PER1: variants seen among roughly 807,000 people sequenced by gnomAD.
PER1 encodes the protein period circadian regulator 1.
A neutral mutation model predicts 125.9 loss-of-function variants in PER1; 87 were observed. That is an observed-to-expected ratio of 0.69 (90% CI 0.58 to 0.83). The LOEUF (loss-of-function observed/expected upper bound fraction) is 0.83. Among genes scored for constraint, PER1 ranks in the 40% least tolerant of loss-of-function variants. PER1 has a pLI of 0.00. For synonymous variants in PER1, 801 were observed against 714.7 expected (o/e 1.12, Z -1.93); for missense variants, 1,775 against 1,722.8 (o/e 1.03, Z -0.54).
chr17:8,148,043 G>A lies in PER1; in HGVS notation c.1188C>T (p.Phe396=). 2 of 1,613,218 alleles carry A rather than the reference G, an allele frequency of 1.2e-6. No homozygotes were observed. Among genetic ancestry groups the A allele is most frequent in the South Asian group, 1.1e-5 (1 of 90,994 alleles). The change falls in exon 10 of 23, where the codon TTC becomes TTT. Residue 396 remains phenylalanine (F), a synonymous_variant. Transcript: ENST00000317276. ...QDLLGAPVLL[F]LHPEDRPLML... ...TGAGGGGTCGGTCCTCAGGATGCAG[G>A]AACAGGAGCACTGGGGCCCCCAGGA...
At position 8,146,735 on chromosome 17, in the gene PER1, G is replaced by C. The variant is rs1175761759; in HGVS notation, c.1766C>G (p.Pro589Arg). ...CAGCTCTGGGTCTGGGGATTGGCAG[G>C]GAAGGGCCTTGGCCTTGAACGTGCC... ...ATGTFKAKAL[P>R]CQSPDPELEA... The change falls in exon 15 of 23, where the codon CCC (proline) becomes CGC (arginine). Residue 589 changes from proline (P) to arginine (R), a missense_variant. By Grantham distance (103) the Pro-to-Arg change is moderately radical. Coordinates refer to ENST00000317276, the MANE Select transcript of PER1 (RefSeq NM_002616.3). 1 of 1,613,848 alleles carries C rather than the reference G, an allele frequency of 6.2e-7. No homozygotes were observed. Among genetic ancestry groups the C allele is most frequent in the South Asian group, 1.1e-5 (1 of 91,070 alleles).
At chr17:8,150,974 G>A (rs1354646736) in intron 1 of PER1, 129 bp from the exon 2 acceptor site, 1 of 447,942 alleles carries the variant, frequency 2.2e-6, no homozygotes, top group East Asian at 3.3e-5. Flanking sequence ...CCCAGGCCTG[G>A]GGCTTCCAAT....
At chr17:8,142,220 C>T (rs759283180) in intron 21 of PER1, 49 bp downstream of exon 21, 105 of 1,453,574 alleles carry the variant, frequency 7.2e-5, no homozygotes, top group Non-Finnish European at 9.5e-5. Flanking sequence ...AAACTGCCCC[C>T]ACTACTACCT....
chr17:8,142,075 G>A, intron 21 of PER1, 120 bp from the exon 22 acceptor site: 7 of 1,361,590 alleles, frequency 5.1e-6, no homozygotes, highest in East Asian at 2.4e-5. Context: ...CTAAACTAGT[G>A]CTATGCGAGG....
chr17:8,152,008 A>G (rs1428986452), intron 1 of PER1, among the ~76,000 whole-genome samples: 1 of 152,208 alleles, frequency 6.6e-6, no homozygotes, highest in African/African-American at 2.4e-5. Flanking sequence ...AAAGCCTAAT[A>G]GGGTCCTGGT....
At chr17:8,141,488 G>T in intron 22 of PER1, 148 bp from the exon 23 acceptor site, 1 of 950,022 alleles carries the variant, frequency 1.1e-6, no homozygotes, top group Non-Finnish European at 1.5e-6. Flanking sequence ...GGTCCAACAA[G>T]GTTGGACAGT....
rs1256509422 is a variant in PER1, at chr17:8,149,643, G to C, written c.672C>G (p.Val224=). 1 of 1,610,658 alleles carries C rather than the reference G, an allele frequency of 6.2e-7. No homozygotes were observed. Among genetic ancestry groups the C allele is most frequent in the Admixed American group, 1.7e-5 (1 of 59,974 alleles). The part of the protein sequence containing the change: ...LQNQDTFSVA[V]SFLTGRIVYI... ...AGACGATTCGGCCCGTCAGGAAGGA[G>C]ACAGCCACTGAGAAGGTATCCTGGC... Residue 224 remains valine, a synonymous_variant, in exon 6 of 23, where the codon GTC becomes GTG. Transcript: ENST00000317276.
At chr17:8,142,189 C>T (rs1010949162) in intron 21 of PER1, 80 bp downstream of exon 21, 28 of 1,243,504 alleles carry the variant, frequency 2.3e-5, no homozygotes, top group African/African-American at 4.5e-5. Context: ...CTATCCAGGG[C>T]AGAGCCAGCC....
chr17:8,149,138 G>C lies in PER1; in HGVS notation c.905+121C>G, dbSNP rs1036146280. ...TGGGAGGCGGAGGTTGCAGTGAGCC[G>C]AGATCGTGCCACCGCAGTCCAGCCT... On this transcript the variant is annotated intron_variant, in intron 7 of 22. Coordinates refer to ENST00000317276, the MANE Select transcript of PER1 (RefSeq NM_002616.3). 3 of 904,842 alleles carry C rather than the reference G, an allele frequency of 3.3e-6. No homozygotes were observed. In the South Asian group the frequency reaches 4.0e-5, roughly 12 times the overall value. The allele number at this position is 904,842 out of a possible 1,614,324, so 56.1% of individuals were successfully genotyped here.
Position 8,143,313 on chromosome 17 carries a change from C to G in PER1, c.3025G>C (p.Gly1009Arg). 4 of 1,593,658 alleles carry G rather than the reference C, an allele frequency of 2.5e-6. No individual in the cohort carries two copies. The highest frequency in any genetic ancestry group is 1.1e-5 in the South Asian group (1 of 87,980). The stretch of plus-strand genomic sequence containing the variant: ...GCCTCCGCACTGGGAGGTGGGGGCC[C>G]GGCACTGCTCCCAGGGCCTCCTGCA... ...AVAGGPGSSAGPPPPSAEAAE... is the reference protein window; with the variant it reads ...AVAGGPGSSARPPPPSAEAAE... Residue 1009 changes from glycine to arginine, a missense_variant, in exon 19 of 23, where the codon GGG (glycine) becomes CGG (arginine). Coordinates refer to ENST00000317276, the MANE Select transcript of PER1 (RefSeq NM_002616.3).
rs1477353068 is a variant in PER1 at position 8,144,693 on chromosome 17, C to CA, written c.2461+57dup. ...AACACCTCCCTTAAGACCCACCCCCCAACAATCCAGTCCTAGACTGGGCAG... is the reference window on the plus strand; with the variant it reads ...AACACCTCCCTTAAGACCCACCCCCCAAACAATCCAGTCCTAGACTGGGCAG... On this transcript the variant is annotated intron_variant, in intron 18 of 22. Coordinates refer to ENST00000317276, the MANE Select transcript of PER1 (RefSeq NM_002616.3). 8.5e-6 allele frequency: 13 copies of CA among 1,537,646 alleles called. No individual in the cohort carries two copies. The South Asian group carries it at 1.5e-4, about 18-fold the overall frequency.
chr17:8,147,130 GA>G, intron 13 of PER1, 119 bp downstream of exon 13: 2 of 1,422,120 alleles, frequency 1.4e-6, no homozygotes, highest in Non-Finnish European at 1.9e-6. Flanking sequence ...GGACAAGAAG[GA>G]AAAGGCAGGA....
chr17:8,144,132 G>A lies in PER1; in HGVS notation c.2462-256C>T, dbSNP rs987896025. On this transcript the variant is annotated intron_variant, in intron 18 of 22. Transcript: ENST00000317276. ...ACGAGGGGTCGAGCTGGGGGTGTGC[G>A]GAAGATGGAGGCATGCTGGCAGATG... The A allele has an allele frequency of 4.8e-5, 24 of 498,640 alleles. No individual in the cohort carries two copies. In the Middle Eastern group the frequency reaches 1.6e-3, roughly 33 times the overall value. The allele number at this position is 498,640 out of a possible 1,614,324, so 30.9% of individuals were successfully genotyped here.
At position 8,147,140 on chromosome 17, in the gene PER1, G is replaced by GC. The variant is rs1982502575; in HGVS notation, c.1629+109_1629+110insG. On this transcript the variant is annotated intron_variant, in intron 13 of 22. Transcript: ENST00000317276. ...GAGCAGGACAAGAAGGAAAAGGCAG[G>GC]AAGGAGAGGGCAAAGGAGGATCGGG... 4.9e-6 allele frequency: 7 copies of GC among 1,441,938 alleles called. No homozygotes were observed. In the East Asian group the frequency reaches 1.5e-4, roughly 30 times the overall value. The allele number at this position is 1,441,938 out of a possible 1,614,324, so 89.3% of individuals were successfully genotyped here. A position where few individuals can be genotyped will look rare whatever the true frequency, so the allele number is the denominator to read the frequency against.
intron 17 of PER1, among the ~76,000 whole-genome samples, chr17:8,145,324 CTTTTTTT>C (rs398030276): frequency 4.0e-5 from 5 of 125,510 alleles, no homozygotes; most frequent in South Asian, 2.5e-4. Context: ...TTTCTTGTTT[CTTTTTTT>C]TTTTTTTTTT....
rs1255731636 is a variant in PER1, at chr17:8,141,243, T to G, written c.3698A>C (p.Glu1233Ala). The G allele has an allele frequency of 6.2e-7, 1 of 1,614,158 alleles. No individual in the cohort carries two copies. The highest frequency in any genetic ancestry group is 2.2e-5 in the East Asian group (1 of 44,888). Residue 1233 changes from glutamate to alanine, a missense_variant, in exon 23 of 23, where the codon GAG becomes GCG. Transcript: ENST00000317276. ...LDGLGLEPME[E>A]GGGEQGSSGG... ...GCTGCTGCCCTGCTCGCCTCCACCC[T>G]CTTCCATGGGCTCCAGCCCCAGTCC... is the stretch of plus-strand genomic sequence containing the variant.
intron 8 of PER1, 32 bp downstream of exon 8, chr17:8,148,612 C>T (rs1331707340): frequency 6.4e-7 from 1 of 1,569,932 alleles, no homozygotes; most frequent in East Asian, 2.3e-5. Flanking sequence ...TTCCTCCCAG[C>T]CCCCACCAGG....
intron 16 of PER1, 72 bp downstream of exon 16, chr17:8,146,300 A>G (rs1391720160): frequency 9.1e-6 from 14 of 1,542,530 alleles, no homozygotes; most frequent in Non-Finnish European, 1.2e-5. Flanking sequence ...AGGGCCCAGA[A>G]GCAGAAGGGA....
chr17:8,145,004 T>A lies in PER1; in HGVS notation c.2219-11A>T, dbSNP rs546244486. On this transcript the variant is annotated splice_polypyrimidine_tract_variant and intron_variant, in intron 17 of 22. Coordinates refer to ENST00000317276, the MANE Select transcript of PER1 (RefSeq NM_002616.3). Reference sequence around the variant, plus strand: ...CCATCATGATGATGTCTGAGGAGAGTGAGATAGGGAAAGGTCATCAGAACC... The same window carrying A: ...CCATCATGATGATGTCTGAGGAGAGAGAGATAGGGAAAGGTCATCAGAACC... 328 of 1,458,026 alleles carry A rather than the reference T, an allele frequency of 2.2e-4. 5 individuals are homozygous for A. The South Asian group carries it at 4.7e-3, about 21-fold the overall frequency. 90.3% of individuals were successfully genotyped at this position (1,458,026 alleles called of 1,614,324 possible).
Sources: gnomAD v4.1 joint callset for allele counts (sites outside exome capture counted in the v4.1 genomes callset) on GRCh38, gnomAD v4.1.1 for gene constraint, MANE v1.5 for transcripts, NCBI Gene and HGNC (gene_info 2026-07-23, HGNC 2026-07-21) for gene names.